Variants in TRAF5 observed in about 807,000 individuals in gnomAD.
TRAF5 encodes TNF receptor associated factor 5, also known as TNF receptor-associated factor 5.
Under a neutral mutation model 64.5 loss-of-function variants are expected in TRAF5, and 48 were observed. The ratio of observed to expected loss-of-function variants is 0.74; its 90% CI spans 0.59 to 0.95. The LOEUF is 0.95. Ranked by LOEUF, TRAF5 falls within the 40% of genes least tolerant of loss-of-function variation. The pLI is 0.00. For missense variants in TRAF5, 545 were observed against 662.8 expected, an observed-to-expected ratio of 0.82 and a Z score of 1.95; for synonymous variants, 206 against 240.5, an observed-to-expected ratio of 0.86 and a Z score of 1.33.
chr1:211,367,591 CCTT>C (rs1703396896), intron 8 of TRAF5, among the ~76,000 whole-genome samples: 1 of 152,158 alleles, frequency 6.6e-6, no homozygotes, highest in South Asian at 2.1e-4. Flanking sequence ...TATCAAGAGG[CCTT>C]CTGAGGTTGT....
chr1:211,326,908 C>T lies in TRAF5; in HGVS notation c.-2+19C>T, dbSNP rs1257885550. 4.1e-6 allele frequency: 4 copies of T among 984,956 alleles called. No individual in the cohort carries two copies. The highest frequency in any genetic ancestry group is 4.8e-6 in the Non-Finnish European group (4 of 829,346). 61.0% of individuals were successfully genotyped at this position (984,956 alleles called of 1,614,324 possible). A position where few individuals can be genotyped will look rare whatever the true frequency, so the allele number is the denominator to read the frequency against. ...GCCCCACGTGAGTCCGGCGGGTCGC[C>T]GCCCTGGGCACCCTCGCGACGGAAG... On this transcript the variant is annotated intron_variant, in intron 1 of 10. Transcript: ENST00000261464. The surrounding 1 kb of genome is among the most constrained non-coding windows in gnomAD (Gnocchi z 5.0).
intron 1 of TRAF5, among the ~76,000 whole-genome samples, chr1:211,345,368 C>T (rs113951708): frequency 4.6e-5 from 7 of 152,044 alleles, no homozygotes; most frequent in South Asian, 4.2e-4. Flanking sequence ...CGCTCCCCCC[C>T]CCTCCTTTTT....
At position 211,374,331 on chromosome 1, in the gene TRAF5, G is replaced by A. The variant is rs1052407363; in HGVS notation, c.*1629G>A. On this transcript the variant is annotated 3_prime_UTR_variant, in exon 11 of 11. Coordinates refer to ENST00000261464, the MANE Select transcript of TRAF5 (RefSeq NM_001033910.3). Reference sequence around the variant, plus strand: ...CCCCTGGGCACGCAAGGATGAGTATGGGCCATGGGCCCCTGTAGAGCTGCT... The same window carrying A: ...CCCCTGGGCACGCAAGGATGAGTATAGGCCATGGGCCCCTGTAGAGCTGCT... The A allele has an allele frequency of 1.3e-5, 2 of 152,838 alleles. No individual in the cohort carries two copies. Among genetic ancestry groups the A allele is most frequent in the African/African-American group, 2.4e-5 (1 of 41,446 alleles). The allele number at this position is 152,838 out of a possible 1,614,324, so 9.5% of individuals were successfully genotyped here. A position where few individuals can be genotyped will look rare whatever the true frequency, so the allele number is the denominator to read the frequency against.
At chr1:211,363,143 G>A (rs1287103942) in intron 7 of TRAF5, among the ~76,000 whole-genome samples, 2 of 152,032 alleles carry the variant, frequency 1.3e-5, no homozygotes, top group African/African-American at 4.8e-5. Flanking sequence ...TTATCTCTAT[G>A]AAAATAAAAA....
chr1:211,360,817 G>A, intron 6 of TRAF5, 38 bp downstream of exon 6: 20 of 1,570,516 alleles, frequency 1.3e-5, no homozygotes, highest in Non-Finnish European at 1.8e-5. Flanking sequence ...TTTTATGGAA[G>A]ATAACGTTTT....
intron 1 of TRAF5, among the ~76,000 whole-genome samples, chr1:211,349,862 G>A (rs1164108417): frequency 6.6e-6 from 1 of 152,136 alleles, no homozygotes; most frequent in Non-Finnish European, 1.5e-5. Flanking sequence ...CTTGGGCCTG[G>A]CCTCAGAAGA....
chr1:211,350,956 C>G (rs1376382201), intron 1 of TRAF5, among the ~76,000 whole-genome samples: 3 of 152,102 alleles, frequency 2.0e-5, no homozygotes, highest in African/African-American at 7.2e-5. Context: ...AGCCATCTTC[C>G]CACCTCAGCC....
intron 7 of TRAF5, among the ~76,000 whole-genome samples, chr1:211,361,949 G>C (rs1044184054): frequency 6.6e-6 from 1 of 151,870 alleles, no homozygotes; most frequent in Non-Finnish European, 1.5e-5. Flanking sequence ...CGCCTGCCTC[G>C]GCCTCCCAAA....
intron 1 of TRAF5, among the ~76,000 whole-genome samples, chr1:211,338,406 C>T (rs927195347): frequency 6.6e-6 from 1 of 152,274 alleles, no homozygotes; most frequent in African/African-American, 2.4e-5. Flanking sequence ...TGAAAACTTC[C>T]TGGGGACAGG....
In TRAF5 at chr1:211,360,690, T is replaced by C; in HGVS notation, c.544-12T>C. On this transcript the variant is annotated splice_polypyrimidine_tract_variant and intron_variant, in intron 5 of 10. Coordinates refer to ENST00000261464, the MANE Select transcript of TRAF5 (RefSeq NM_001033910.3). The stretch of plus-strand genomic sequence containing the variant: ...GACAACCCTTTGTTTTATTGCACTT[T>C]CTCTATTTCAGAATCATGAGGAAAA... 6.2e-7 allele frequency: 1 copy of C among 1,609,504 alleles called. No individual in the cohort carries two copies.
intron 1 of TRAF5, among the ~76,000 whole-genome samples, chr1:211,335,333 G>A (rs1702262854): frequency 6.6e-6 from 1 of 152,154 alleles, no homozygotes; most frequent in Non-Finnish European, 1.5e-5. Flanking sequence ...GGGCTGCTGT[G>A]TGAATTAAGT....
chr1:211,339,919 C>T (rs1328569741), intron 1 of TRAF5, among the ~76,000 whole-genome samples: 1 of 152,224 alleles, frequency 6.6e-6, no homozygotes, highest in Non-Finnish European at 1.5e-5. Context: ...CTGAGGTCAG[C>T]TTTGGAAATA....
chr1:211,371,008 A>G (rs74606085), intron 9 of TRAF5, among the ~76,000 whole-genome samples: 8,555 of 152,256 alleles, frequency 0.056, 252 homozygotes, highest in Middle Eastern at 0.13. Context: ...GAAAATAAAT[A>G]TATAAAGATA....
chr1:211,347,942 G>A (rs1318950531), intron 1 of TRAF5, among the ~76,000 whole-genome samples: 1 of 152,172 alleles, frequency 6.6e-6, no homozygotes, highest in Non-Finnish European at 1.5e-5. Flanking sequence ...CACAGAAATC[G>A]GCAAATGCTA....
chr1:211,346,890 A>G (rs747980242), intron 1 of TRAF5, among the ~76,000 whole-genome samples: 17 of 152,206 alleles, frequency 1.1e-4, no homozygotes, highest in Non-Finnish European at 2.5e-4. Context: ...AATTTATGAA[A>G]CAAGAAGATG....
rs1703559945 is a variant in TRAF5, at chr1:211,372,273, G to A, written c.1245G>A (p.Met415Ile). Residue 415 changes from methionine to isoleucine, a missense_variant, in exon 11 of 11, where the codon ATG becomes ATA. Physicochemically the swap from Met to Ile is conservative, Grantham distance 10 (BLOSUM62 1). Coordinates refer to ENST00000261464, the MANE Select transcript of TRAF5 (RefSeq NM_001033910.3). Reference protein sequence around the residue: ...KLIWKVTDYKMKKREAVDGHT... With the variant: ...KLIWKVTDYKIKKREAVDGHT... ...TTTGGAAGGTGACAGATTACAAGAT[G>A]AAGAAGAGAGAGGCGGTGGATGGGC... The A allele has an allele frequency of 6.2e-7, 1 of 1,614,144 alleles. No individual in the cohort carries two copies. Among genetic ancestry groups the A allele is most frequent in the Non-Finnish European group, 8.5e-7 (1 of 1,180,032 alleles).
chr1:211,347,500 C>T (rs1184517501), intron 1 of TRAF5, among the ~76,000 whole-genome samples: 3 of 152,180 alleles, frequency 2.0e-5, no homozygotes, highest in Non-Finnish European at 4.4e-5. Flanking sequence ...ATTAAAAACC[C>T]AATTTCATAA....
intron 1 of TRAF5, among the ~76,000 whole-genome samples, chr1:211,342,884 C>G (rs915977922): frequency 1.3e-5 from 2 of 152,206 alleles, no homozygotes; most frequent in African/African-American, 4.8e-5. Context: ...TGTTCTGTAT[C>G]CATTCATCTG....
chr1:211,331,886 C>G (rs550394353), intron 1 of TRAF5, among the ~76,000 whole-genome samples: 1 of 152,312 alleles, frequency 6.6e-6, no homozygotes, highest in South Asian at 2.1e-4. Context: ...AGGCTGGTCT[C>G]AAACTCCTGA....
Sources: allele counts gnomAD v4.1 joint callset (sites outside exome capture counted in the v4.1 genomes callset), GRCh38; gene constraint gnomAD v4.1.1; non-coding constraint Gnocchi (gnomAD v3.1); transcripts MANE v1.5; gene names NCBI Gene and HGNC (gene_info 2026-07-23, HGNC 2026-07-21).